AKAP6: variants seen among roughly 807,000 people sequenced by gnomAD.
The protein encoded by AKAP6 is A-kinase anchoring protein 6, also known as A-kinase anchor protein 6.
Under a neutral mutation model 188.5 loss-of-function variants are expected in AKAP6, and 58 were observed. That is an observed-to-expected ratio of 0.31 (90% CI 0.25 to 0.38). The LOEUF (loss-of-function observed/expected upper bound fraction) is 0.38. Among genes scored for constraint, AKAP6 ranks in the 10% least tolerant of loss-of-function variants. The pLI is 1.00. For synonymous variants in AKAP6, 989 were observed against 998.6 expected (o/e 0.99, Z 0.18); for missense variants, 2,710 against 2,740.0 (o/e 0.99, Z 0.24).
intron 11 of AKAP6, among the ~76,000 whole-genome samples, chr14:32,762,166 A>T (rs1457245931): frequency 2.0e-5 from 3 of 152,092 alleles, no homozygotes; most frequent in African/African-American, 7.2e-5. Context: ...CTATAATTGC[A>T]ATCTATTTGA....
At chr14:32,375,374 A>G (rs147702673) in intron 1 of AKAP6, among the ~76,000 whole-genome samples, 1,647 of 152,262 alleles carry the variant, frequency 0.011, 17 homozygotes, top group Middle Eastern at 0.024. Context: ...TCAGGTACAC[A>G]TGTTCAGGTG....
At chr14:32,769,036 G>GTTTTTTTT (rs1566698267) in intron 11 of AKAP6, among the ~76,000 whole-genome samples, 1 of 18,502 alleles carries the variant, frequency 5.4e-5, no homozygotes, top group African/African-American at 1.5e-4. Context: ...CTGCTCTTTT[G>GTTTTTTTT]ATTTTTTTTT....
intron 2 of AKAP6, among the ~76,000 whole-genome samples, chr14:32,508,625 A>G (rs564961438): frequency 6.0e-4 from 92 of 152,348 alleles, no homozygotes; most frequent in African/African-American, 2.1e-3. Flanking sequence ...ATAAATGTTG[A>G]ACATTCATAA....
At chr14:32,550,255 G>T (rs1020920264) in intron 4 of AKAP6, among the ~76,000 whole-genome samples, 4 of 152,220 alleles carry the variant, frequency 2.6e-5, no homozygotes, top group African/African-American at 9.6e-5. Context: ...GAAACATTTG[G>T]ATGAGTAGCT....
intron 11 of AKAP6, among the ~76,000 whole-genome samples, chr14:32,772,089 A>G (rs2032915849): frequency 6.6e-6 from 1 of 152,024 alleles, no homozygotes. Flanking sequence ...AAGAAGAGAC[A>G]GAGAGGGAGA....
intron 7 of AKAP6, among the ~76,000 whole-genome samples, chr14:32,612,208 C>T (rs6571542): frequency 0.62 from 94,448 of 151,488 alleles, 30,472 homozygotes; most frequent in East Asian, 0.94. Context: ...CCAGTTTCAT[C>T]GTGGTTTTGA....
At chr14:32,757,599 A>G (rs1385722601) in intron 11 of AKAP6, among the ~76,000 whole-genome samples, 1 of 152,232 alleles carries the variant, frequency 6.6e-6, no homozygotes, top group Admixed American at 6.5e-5. Flanking sequence ...TGGGGAGTAT[A>G]AGTAGAGATA....
chr14:32,488,647 GGGCCCGGGTGGTGT>G (rs1879829802), intron 2 of AKAP6, among the ~76,000 whole-genome samples: 2 of 151,816 alleles, frequency 1.3e-5, no homozygotes, highest in South Asian at 4.2e-4. Context: ...TTGAAACTCA[GGGCCCGGGTGGTGT>G]AGGCACTGGA....
At chr14:32,741,263 G>GT (rs929421077) in intron 11 of AKAP6, among the ~76,000 whole-genome samples, 1 of 151,824 alleles carries the variant, frequency 6.6e-6, no homozygotes, top group African/African-American at 2.4e-5. Context: ...GTTTGAATAG[G>GT]TTTTTTAGGA....
At chr14:32,548,106 T>TTC (rs1555338942) in intron 4 of AKAP6, among the ~76,000 whole-genome samples, 13 of 148,190 alleles carry the variant, frequency 8.8e-5, no homozygotes, top group South Asian at 8.6e-4. Flanking sequence ...TTTTTTTTTT[T>TTC]TTTTTTTTCC....
Position 32,825,242 on chromosome 14 carries a change from T to A in AKAP6, c.*42+427T>A, listed in dbSNP as rs750367431. 2.8e-4 allele frequency among the ~76,000 whole-genome samples: 42 copies of A among 152,322 alleles called. 1 individual carries two copies. Among genetic ancestry groups the A allele is most frequent in the Middle Eastern group, 3.4e-3 (1 of 294 alleles). ...TTCAGTGCCTGCAGATGAACAATGATTAGGCTAAAGGCCACATCTCCTGAT... is the reference window on the plus strand; with the variant it reads ...TTCAGTGCCTGCAGATGAACAATGAATAGGCTAAAGGCCACATCTCCTGAT... On this transcript the variant is annotated intron_variant, in intron 13 of 13. Coordinates refer to ENST00000280979, the MANE Select transcript of AKAP6 (RefSeq NM_004274.5).
intron 7 of AKAP6, among the ~76,000 whole-genome samples, chr14:32,609,873 T>TGACA (rs1227807063): frequency 2.2e-4 from 27 of 125,134 alleles, no homozygotes; most frequent in African/African-American, 1.0e-3. Context: ...TCTCTCTCTC[T>TGACA]CTCTCTGACA....
At chr14:32,698,761 T>G (rs1012783286) in intron 9 of AKAP6, among the ~76,000 whole-genome samples, 34 of 152,154 alleles carry the variant, frequency 2.2e-4, no homozygotes, top group African/African-American at 8.0e-4. Flanking sequence ...ACACTTTATA[T>G]AGCTGATATT....
At chr14:32,365,688 A>G (rs181990825) in intron 1 of AKAP6, among the ~76,000 whole-genome samples, 76 of 152,250 alleles carry the variant, frequency 5.0e-4, no homozygotes, top group East Asian at 2.3e-3. Context: ...CTCCTGGTCA[A>G]TCTTTTTCCT....
intron 2 of AKAP6, among the ~76,000 whole-genome samples, chr14:32,472,636 G>A (rs1013987499): frequency 2.6e-5 from 4 of 152,154 alleles, no homozygotes; most frequent in African/African-American, 9.7e-5. Flanking sequence ...AGATGGCAAC[G>A]AGGTTCTCTG....
chr14:32,706,065 A>G (rs1250758214), intron 9 of AKAP6, among the ~76,000 whole-genome samples: 2 of 152,126 alleles, frequency 1.3e-5, no homozygotes, highest in Non-Finnish European at 2.9e-5. Flanking sequence ...ATATTTGTGG[A>G]GCTGTGCTAA....
At chr14:32,408,512 C>T (rs4262866) in intron 1 of AKAP6, among the ~76,000 whole-genome samples, 131,589 of 146,836 alleles carry the variant, frequency 0.9, 59,076 homozygotes, top group South Asian at 0.96. Context: ...TATAATTATA[C>T]AATTTATAAT....
In AKAP6 at chr14:32,471,470, A is replaced by G. The variant is rs118001671; in HGVS notation, c.324+37653A>G. On this transcript the variant is annotated intron_variant, in intron 2 of 13. Transcript: ENST00000280979. ...AGTGCTACTTCCTAAACTGTGAATT[A>G]GCAGGCTGAACCTTTTAATAGTTTA... Among the ~76,000 whole-genome samples the G allele has an allele frequency of 8.5e-5, 13 of 152,398 alleles. No individual in the cohort carries two copies. In the East Asian group the frequency reaches 2.5e-3, roughly 29 times the overall value.
At chr14:32,585,492 ATGTGTG>A (rs1555342354) in intron 5 of AKAP6, among the ~76,000 whole-genome samples, 47 of 150,846 alleles carry the variant, frequency 3.1e-4, no homozygotes, top group African/African-American at 1.1e-3. Flanking sequence ...AACTATATAT[ATGTGTG>A]TGTGTGTGTG....
Sources: allele counts gnomAD v4.1 joint callset (sites outside exome capture counted in the v4.1 genomes callset), GRCh38; gene constraint gnomAD v4.1.1; transcripts MANE v1.5; gene names NCBI Gene and HGNC (gene_info 2026-07-23, HGNC 2026-07-21).